The following NUP155 variants were observed in gnomAD, a reference collection of about 807,000 sequenced individuals.
NUP155 encodes nuclear pore complex protein Nup155.
A neutral mutation model predicts 180.4 loss-of-function variants in NUP155; 71 were observed. That is an observed-to-expected ratio of 0.39 (90% CI 0.33 to 0.48). The LOEUF (loss-of-function observed/expected upper bound fraction) is 0.48. Ranked by LOEUF, NUP155 falls within the 20% of genes least tolerant of loss-of-function variation. NUP155 has a pLI of 0.91. For missense variants in NUP155, 1,553 were observed against 1,648.9 expected (o/e 0.94, Z 1.01); for synonymous variants, 582 against 559.5 (o/e 1.04, Z -0.57).
chr5:37,311,132 T>C (rs1169747962), intron 22 of NUP155, among the ~76,000 whole-genome samples: 5 of 152,214 alleles, frequency 3.3e-5, no homozygotes, highest in Admixed American at 1.3e-4. Flanking sequence ...CTTATAATAA[T>C]ATTGGAGTTT....
intron 14 of NUP155, among the ~76,000 whole-genome samples, chr5:37,330,370 T>C (rs16903585): frequency 6.6e-6 from 1 of 152,294 alleles, no homozygotes; most frequent in South Asian, 2.1e-4. Context: ...GATTCTGACT[T>C]AGTTTCCGGC....
intron 9 of NUP155, among the ~76,000 whole-genome samples, chr5:37,344,565 A>C (rs1377127055): frequency 1.3e-5 from 2 of 151,368 alleles, no homozygotes; most frequent in Non-Finnish European, 2.9e-5. Flanking sequence ...CAATTCATAA[A>C]TTCTGATATA....
chr5:37,315,169 T>C (rs915691487), intron 21 of NUP155, among the ~76,000 whole-genome samples: 2 of 152,120 alleles, frequency 1.3e-5, no homozygotes, highest in South Asian at 4.1e-4. Flanking sequence ...GAGGTAGAGG[T>C]TGCAGTAAGC....
At position 37,298,916 on chromosome 5, in the gene NUP155, C is replaced by A. The variant is rs534726776; in HGVS notation, c.3745G>T (p.Val1249Phe). 6.2e-7 allele frequency: 1 copy of A among 1,613,540 alleles called. No homozygotes were observed. Among genetic ancestry groups the A allele is most frequent in the East Asian group, 2.2e-5 (1 of 44,854 alleles). The change falls in exon 32 of 35, where the codon GTT becomes TTT. Residue 1249 changes from valine (V) to phenylalanine (F), a missense_variant. By Grantham distance (50) the Val-to-Phe change is conservative. Transcript: ENST00000231498. ...CCAGCATAAATTTTGCCAAGGAGAA[C>A]AATCTTGAGACTAAGAGCATGCATT... The part of the protein sequence containing the change: ...DRMHALSLKI[V>F]LLGKIYAGTP...
intron 3 of NUP155, among the ~76,000 whole-genome samples, chr5:37,358,456 C>T (rs976105575): frequency 6.6e-6 from 1 of 151,884 alleles, no homozygotes; most frequent in Non-Finnish European, 1.5e-5. Context: ...GAGAGCCTGT[C>T]TCAAAAAAGA....
chr5:37,301,054 C>T (rs531776839), intron 30 of NUP155: 22 of 242,700 alleles, frequency 9.1e-5, no homozygotes, highest in Admixed American at 3.1e-4. Context: ...AAACTCCTGA[C>T]CTCAGGTGAT....
At chr5:37,307,224 A>C in intron 25 of NUP155, 73 bp downstream of exon 25, 1 of 1,515,930 alleles carries the variant, frequency 6.6e-7, no homozygotes, top group East Asian at 2.3e-5. Flanking sequence ...CATAAAACAA[A>C]AAACAAAAAA....
rs989310336 is a variant in NUP155, at chr5:37,364,229, T to C, written c.295+18A>G. 1.3e-6 allele frequency: 2 copies of C among 1,586,296 alleles called. No individual in the cohort carries two copies. The highest frequency in any genetic ancestry group is 2.2e-5 in the East Asian group (1 of 44,628). ...CCAATTTTAACATTTTTAAAATAAA[T>C]ACAAAGTAATAGGATACGTCCAAAC... is the stretch of plus-strand genomic sequence containing the variant. On this transcript the variant is annotated intron_variant, in intron 2 of 34. Transcript: ENST00000231498.
Position 37,349,211 on chromosome 5 carries a change from T to C in NUP155, c.864A>G (p.Arg288=), listed in dbSNP as rs776612183. 12 of 826,896 alleles carry C rather than the reference T, an allele frequency of 1.5e-5. No individual in the cohort carries two copies. Among genetic ancestry groups the C allele is most frequent in the Non-Finnish European group, 2.3e-5 (12 of 531,576 alleles). 51.2% of individuals were successfully genotyped at this position (826,896 alleles called of 1,614,324 possible). A position where few individuals can be genotyped will look rare whatever the true frequency, so the allele number is the denominator to read the frequency against. The change falls in exon 8 of 35, where the codon AGA becomes AGG. Residue 288 remains arginine, a synonymous_variant. Transcript: ENST00000231498. Reference sequence around the variant, plus strand: ...TCTCAGATCGTGTATATAAAATATTTCTAGAATTATCAATTGCAATTTGAA... The same window carrying C: ...TCTCAGATCGTGTATATAAAATATTCCTAGAATTATCAATTGCAATTTGAA... ...PILQIAIDNS[R]NILYTRSEKG... is the part of the protein sequence containing the mutation.
At chr5:37,315,138 A>G (rs528186342) in intron 21 of NUP155, among the ~76,000 whole-genome samples, 36 of 152,358 alleles carry the variant, frequency 2.4e-4, no homozygotes, top group Admixed American at 2.1e-3. Flanking sequence ...AGGCTGAGGC[A>G]GGAGAATCGC....
chr5:37,299,318 C>T lies in NUP155; in HGVS notation c.3682+130G>A. On this transcript the variant is annotated intron_variant, in intron 31 of 34. Coordinates refer to ENST00000231498, the MANE Select transcript of NUP155 (RefSeq NM_153485.3). ...ACCATACCCAGGTGACTTCCACTTACTCTCTTCTTAGGTATACACAATTTT... is the reference window on the plus strand; with the variant it reads ...ACCATACCCAGGTGACTTCCACTTATTCTCTTCTTAGGTATACACAATTTT... 3 of 1,096,434 alleles carry T rather than the reference C, an allele frequency of 2.7e-6. No homozygotes were observed. In the South Asian group the frequency reaches 3.8e-5, roughly 14 times the overall value. 67.9% of individuals were successfully genotyped at this position (1,096,434 alleles called of 1,614,324 possible). A position where few individuals can be genotyped will look rare whatever the true frequency, so the allele number is the denominator to read the frequency against.
At chr5:37,347,621 G>A (rs1015459129) in intron 9 of NUP155, among the ~76,000 whole-genome samples, 3 of 151,068 alleles carry the variant, frequency 2.0e-5, no homozygotes, top group Middle Eastern at 3.2e-3. Context: ...ACTTGAACCC[G>A]GGAGACAGAG....
chr5:37,358,649 T>TA (rs1374851437), intron 3 of NUP155, among the ~76,000 whole-genome samples: 1 of 152,138 alleles, frequency 6.6e-6, no homozygotes, highest in Non-Finnish European at 1.5e-5. Flanking sequence ...AGAGACAAGG[T>TA]TTGGCCATAT....
chr5:37,341,336 C>A (rs956348560), intron 10 of NUP155, 94 bp from the exon 11 acceptor site: 21 of 1,020,474 alleles, frequency 2.1e-5, no homozygotes, highest in African/African-American at 6.3e-5. Context: ...ATGCAACACT[C>A]TGCTAAAACC....
At chr5:37,314,653 C>T (rs567348800) in intron 21 of NUP155, among the ~76,000 whole-genome samples, 13 of 150,984 alleles carry the variant, frequency 8.6e-5, no homozygotes, top group South Asian at 4.2e-4. Context: ...CTGGCTAACA[C>T]GGTAAAACTC....
intron 11 of NUP155, among the ~76,000 whole-genome samples, 160 bp downstream of exon 11, chr5:37,340,930 T>A (rs1044953593): frequency 6.6e-6 from 1 of 152,302 alleles, no homozygotes; most frequent in South Asian, 2.1e-4. Context: ...TAAGACCCAA[T>A]AGTCCGTTTT....
intron 22 of NUP155, among the ~76,000 whole-genome samples, chr5:37,313,212 C>A (rs1743635143): frequency 6.6e-6 from 1 of 151,596 alleles, no homozygotes; most frequent in South Asian, 2.1e-4. Context: ...GGGTGGATTA[C>A]CTGAGCTCAG....
intron 8 of NUP155, 81 bp from the exon 9 acceptor site, chr5:37,348,677 T>C: frequency 1.2e-6 from 1 of 832,488 alleles, no homozygotes; most frequent in Non-Finnish European, 2.1e-6. Flanking sequence ...TAAGGGATCC[T>C]TTAATATTGG....
At chr5:37,358,697 T>G (rs1403134132) in intron 3 of NUP155, among the ~76,000 whole-genome samples, 1 of 152,050 alleles carries the variant, frequency 6.6e-6, no homozygotes, top group African/African-American at 2.4e-5. Flanking sequence ...TGCTCTTTAT[T>G]AGTTAAATAA....
Sources: gnomAD v4.1 joint callset for allele counts (sites outside exome capture counted in the v4.1 genomes callset) on GRCh38, gnomAD v4.1.1 for gene constraint, MANE v1.5 for transcripts, NCBI Gene and HGNC (gene_info 2026-07-23, HGNC 2026-07-21) for gene names.